SNX29: variants seen among roughly 807,000 people sequenced by gnomAD.
SNX29 encodes the protein sorting nexin-29.
Under a neutral mutation model 102.1 loss-of-function variants are expected in SNX29, and 78 were observed. The observed-to-expected ratio is 0.76, with a 90% CI of 0.64 to 0.92. The LOEUF (loss-of-function observed/expected upper bound fraction) is 0.92. Among genes scored for constraint, SNX29 ranks in the 40% least tolerant of loss-of-function variants. The pLI is 0.00. For missense variants in SNX29, 1,280 were observed against 1,061.7 expected, an observed-to-expected ratio of 1.21 and a Z score of -2.86; for synonymous variants, 580 against 414.5, an observed-to-expected ratio of 1.40 and a Z score of -4.85.
chr16:12,548,314 C>T (rs1051785659), intron 20 of SNX29, among the ~76,000 whole-genome samples: 1 of 152,190 alleles, frequency 6.6e-6, no homozygotes, highest in African/African-American at 2.4e-5. Context: ...GAGCCCTACT[C>T]TCCTGGCTTG....
At chr16:11,986,685 A>C (rs434455) in intron 1 of SNX29, among the ~76,000 whole-genome samples, 115,027 of 152,112 alleles carry the variant, frequency 0.76, 44,530 homozygotes, top group Non-Finnish European at 0.84. Context: ...TGCAAAAGAC[A>C]GTCAATTCCA....
chr16:11,999,399 A>T (rs756164170), intron 2 of SNX29, 41 bp downstream of exon 2: 1 of 1,596,092 alleles, frequency 6.3e-7, no homozygotes, highest in African/African-American at 1.3e-5. Context: ...GTCGAGTAAT[A>T]GTGTCAGATA....
intron 17 of SNX29, among the ~76,000 whole-genome samples, chr16:12,401,804 A>G (rs979675331): frequency 3.3e-5 from 5 of 152,174 alleles, no homozygotes; most frequent in Non-Finnish European, 7.4e-5. Flanking sequence ...TTGTTTAATG[A>G]GTGAGTGAAG....
intron 2 of SNX29, chr16:12,000,628 A>G (rs1002679820): frequency 2.6e-5 from 4 of 152,852 alleles, no homozygotes; most frequent in Non-Finnish European, 4.4e-5. Flanking sequence ...GGCTCAAGCA[A>G]TCCTCCCACC....
At chr16:12,372,402 C>T (rs186021154) in intron 16 of SNX29, 4 of 152,258 alleles carry the variant, frequency 2.6e-5, no homozygotes, top group East Asian at 1.9e-4. Flanking sequence ...CCCTCTGGAC[C>T]GCTCACTTTG....
At chr16:12,265,401 C>T (rs1485263312) in intron 14 of SNX29, among the ~76,000 whole-genome samples, 1 of 152,030 alleles carries the variant, frequency 6.6e-6, no homozygotes, top group African/African-American at 2.4e-5. Context: ...CCCAGCTGTC[C>T]CCGTGGATGC....
chr16:12,184,300 GT>G (rs1417128848), intron 13 of SNX29, among the ~76,000 whole-genome samples: 2 of 152,154 alleles, frequency 1.3e-5, no homozygotes, highest in Admixed American at 1.3e-4. Flanking sequence ...TCCAAACAAG[GT>G]TTGTATGTTA....
chr16:12,555,407 TG>T (rs1347327935), intron 20 of SNX29, among the ~76,000 whole-genome samples: 1 of 152,006 alleles, frequency 6.6e-6, no homozygotes, highest in African/African-American at 2.4e-5. Context: ...GCTGGGCTGC[TG>T]GCCCCTCAGG....
intron 3 of SNX29, among the ~76,000 whole-genome samples, chr16:12,024,392 C>T (rs978977918): frequency 4.6e-5 from 7 of 152,028 alleles, no homozygotes; most frequent in African/African-American, 1.4e-4. Context: ...GTGATCCACC[C>T]GCCTTGGCCT....
intron 15 of SNX29, among the ~76,000 whole-genome samples, chr16:12,336,873 G>A (rs1164142558): frequency 6.6e-6 from 1 of 152,198 alleles, no homozygotes; most frequent in Non-Finnish European, 1.5e-5. Flanking sequence ...TTGAGTCCAG[G>A]AAGTTGTGGC....
At chr16:11,989,160 A>G (rs2055745912) in intron 1 of SNX29, among the ~76,000 whole-genome samples, 1 of 152,056 alleles carries the variant, frequency 6.6e-6, no homozygotes, top group Non-Finnish European at 1.5e-5. Context: ...TTCGGTAGAA[A>G]CGGGGTTTCA....
chr16:12,498,156 C>T (rs1016749133), intron 19 of SNX29, among the ~76,000 whole-genome samples: 2 of 152,128 alleles, frequency 1.3e-5, no homozygotes, highest in Non-Finnish European at 2.9e-5. Context: ...GAATTCCAGG[C>T]AGAGGAAACA....
intron 20 of SNX29, among the ~76,000 whole-genome samples, chr16:12,535,347 G>C (rs190716536): frequency 1.4e-3 from 211 of 152,288 alleles, no homozygotes; most frequent in African/African-American, 4.9e-3. Flanking sequence ...TGTTGGCCAG[G>C]CTGGTCTCGA....
chr16:12,061,367 G>C, intron 8 of SNX29, 161 bp from the exon 9 acceptor site: 2 of 617,320 alleles, frequency 3.2e-6, no homozygotes, highest in Non-Finnish European at 2.9e-6. Context: ...AAGAGGTCTG[G>C]ATCTGGACTC....
At chr16:12,113,512 C>A (rs1021670188) in intron 11 of SNX29, among the ~76,000 whole-genome samples, 25 of 152,182 alleles carry the variant, frequency 1.6e-4, no homozygotes, top group African/African-American at 6.0e-4. Context: ...TGGCTGGCTG[C>A]ATCTAATTAA....
At chr16:12,235,944 A>G (rs568352701) in intron 14 of SNX29, among the ~76,000 whole-genome samples, 1 of 152,322 alleles carries the variant, frequency 6.6e-6, no homozygotes, top group Non-Finnish European at 1.5e-5. Context: ...CTTAGGGATT[A>G]CTGGAAAAGT....
intron 18 of SNX29, among the ~76,000 whole-genome samples, chr16:12,465,074 G>T (rs1049229524): frequency 4.6e-5 from 7 of 152,066 alleles, no homozygotes; most frequent in Non-Finnish European, 7.4e-5. Flanking sequence ...TACATCCTTT[G>T]CCCATTTTAA....
intron 20 of SNX29, among the ~76,000 whole-genome samples, chr16:12,566,326 C>A (rs771414238): frequency 8.5e-5 from 13 of 152,176 alleles, no homozygotes; most frequent in Non-Finnish European, 1.5e-4. Context: ...TCTCCCTACC[C>A]CTTCATAACA....
rs373558970 is a variant in SNX29, at chr16:12,129,652, G to A, written c.1489G>A (p.Gly497Ser). Residue 497 changes from glycine to serine, a missense_variant, in exon 13 of 21, where the codon GGT (glycine) becomes AGT (serine). By Grantham distance (56) the Gly-to-Ser change is moderately conservative. Transcript: ENST00000566228. ...ENRSLRNLLDGEMEHSAALRQ... is the reference protein window; with the variant it reads ...ENRSLRNLLDSEMEHSAALRQ... ...CAGATCACTGCGAAACCTGCTCGAC[G>A]GTGAGATGGAGCACTCAGCCGCGCT... The A allele has an allele frequency of 5.0e-6, 8 of 1,610,936 alleles. No homozygotes were observed. Among genetic ancestry groups the A allele is most frequent in the Non-Finnish European group, 6.8e-6 (8 of 1,179,446 alleles).
Sources: allele counts gnomAD v4.1 joint callset (sites outside exome capture counted in the v4.1 genomes callset), GRCh38; gene constraint gnomAD v4.1.1; transcripts MANE v1.5; gene names NCBI Gene and HGNC (gene_info 2026-07-23, HGNC 2026-07-21).